KHDC1: variants seen among roughly 807,000 people sequenced by gnomAD.
KHDC1 encodes the protein KH domain containing 1.
Under a neutral mutation model 24.7 loss-of-function variants are expected in KHDC1, and 21 were observed. The ratio of observed to expected loss-of-function variants is 0.85; its 90% confidence interval spans 0.60 to 1.23. The LOEUF (loss-of-function observed/expected upper bound fraction) is 1.23, where lower values mean the gene tolerates loss of function less well. Among genes scored for constraint, KHDC1 ranks in the 50% most tolerant of loss-of-function variants. The pLI is 0.00. For missense variants in KHDC1, 274 were observed against 298.5 expected, an observed-to-expected ratio of 0.92 and a Z score of 0.61; for synonymous variants, 98 against 111.7, an observed-to-expected ratio of 0.88 and a Z score of 0.77.
chr6:73,290,106 C>CAAAAAAAAAAAAAAA (rs140342387), intron 2 of KHDC1, among the ~76,000 whole-genome samples: 2 of 86,498 alleles, frequency 2.3e-5, no homozygotes, highest in African/African-American at 5.1e-5. Context: ...GACTCCGTCT[C>CAAAAAAAAAAAAAAA]AAAAAAAAAA....
chr6:73,282,074 C>T (rs1163485792), intron 2 of KHDC1, among the ~76,000 whole-genome samples: 2 of 151,466 alleles, frequency 1.3e-5, no homozygotes, highest in African/African-American at 4.8e-5. Context: ...AAAAATTAGC[C>T]GGGCGTGGTG....
intron 2 of KHDC1, chr6:73,269,187 T>C (rs35830226): frequency 0.13 from 19,400 of 153,272 alleles, 1,704 homozygotes; most frequent in African/African-American, 0.24. Context: ...ACCAAGCCCA[T>C]GCCCACCCGG....
intron 1 of KHDC1, chr6:73,292,706 C>T (rs555431044): frequency 4.0e-6 from 3 of 748,474 alleles, no homozygotes; most frequent in East Asian, 2.5e-5. Context: ...ACACATTCTT[C>T]ACTATTTGAC....
chr6:73,277,997 TC>T (rs1217027000), intron 2 of KHDC1, among the ~76,000 whole-genome samples: 3 of 149,244 alleles, frequency 2.0e-5, no homozygotes, highest in African/African-American at 7.4e-5. Context: ...TTTCTCTCTC[TC>T]TCTCTCGGGT....
intron 2 of KHDC1, chr6:73,291,488 C>CT (rs1337998152): frequency 4.8e-3 from 790 of 165,002 alleles, no homozygotes; most frequent in Middle Eastern, 0.017. Context: ...AAATTATCCA[C>CT]TTTTTTTTTT....
chr6:73,246,270 T>G (rs9341415), intron 2 of KHDC1, among the ~76,000 whole-genome samples: 22,051 of 152,240 alleles, frequency 0.14, 2,008 homozygotes, highest in South Asian at 0.21. Context: ...GGAGAACTAT[T>G]CAGCCACTTG....
At chr6:73,247,956 C>T (rs1766698717) in intron 2 of KHDC1, among the ~76,000 whole-genome samples, 1 of 151,576 alleles carries the variant, frequency 6.6e-6, no homozygotes, top group South Asian at 2.1e-4. Flanking sequence ...AGTCAAAAAG[C>T]AGGGTGCAGC....
At chr6:73,271,894 CAAAAA>C (rs980406699) in intron 2 of KHDC1, among the ~76,000 whole-genome samples, 1 of 146,474 alleles carries the variant, frequency 6.8e-6, no homozygotes, top group Admixed American at 6.8e-5. Context: ...GACTCCATCT[CAAAAA>C]AAAATAAGAA....
At chr6:73,280,176 G>C (rs1767377303) in intron 2 of KHDC1, among the ~76,000 whole-genome samples, 1 of 151,300 alleles carries the variant, frequency 6.6e-6, no homozygotes, top group African/African-American at 2.4e-5. Flanking sequence ...ATTTATTTTT[G>C]AGGAGACAGT....
rs140003576 is a variant in KHDC1, at chr6:73,298,566, G to A, written c.164-6526C>T. ...TTCTCCTGCCTCAGCCTCCCGAGTAGCTGGGATTACAGGCACCCGCCACCA... is the reference window on the plus strand; with the variant it reads ...TTCTCCTGCCTCAGCCTCCCGAGTAACTGGGATTACAGGCACCCGCCACCA... On this transcript the variant is annotated intron_variant, in intron 1 of 4. Transcript: ENST00000370384. Among the ~76,000 whole-genome samples the A allele has an allele frequency of 8.7e-3, 1,304 of 149,102 alleles. 25 individuals carry two copies. The highest frequency in any genetic ancestry group is 0.031 in the African/African-American group (1,236 of 39,456).
exon 1 of KHDC1, chr6:73,310,016 C>T (rs1582596071): frequency 2.9e-6 from 1 of 339,716 alleles, no homozygotes; most frequent in Non-Finnish European, 5.4e-6. Context: ...CACAACGCCA[C>T]GTAAACCATC....
intron 2 of KHDC1, among the ~76,000 whole-genome samples, chr6:73,246,443 T>C (rs1169649670): frequency 1.3e-5 from 2 of 152,334 alleles, no homozygotes; most frequent in East Asian, 1.9e-4. Flanking sequence ...GTAAAACGCA[T>C]GGACAGTTCC....
intron 2 of KHDC1, among the ~76,000 whole-genome samples, chr6:73,279,754 A>G (rs1373759599): frequency 6.6e-6 from 1 of 151,528 alleles, no homozygotes; most frequent in African/African-American, 2.4e-5. Context: ...TAATGTTTAT[A>G]TTTTTCGTAG....
intron 2 of KHDC1, among the ~76,000 whole-genome samples, chr6:73,250,964 C>A (rs897313844): frequency 6.6e-6 from 1 of 151,986 alleles, no homozygotes; most frequent in South Asian, 2.1e-4. Context: ...CTCAGCCTCC[C>A]GAGTAGCTGG....
At chr6:73,284,212 T>C (rs2150690096) in intron 2 of KHDC1, among the ~76,000 whole-genome samples, 1 of 152,272 alleles carries the variant, frequency 6.6e-6, no homozygotes, top group East Asian at 1.9e-4. Flanking sequence ...GTAGGCATAG[T>C]TTTTGTAATC....
intron 2 of KHDC1, among the ~76,000 whole-genome samples, chr6:73,272,801 G>A (rs1460172344): frequency 6.6e-6 from 1 of 150,750 alleles, no homozygotes; most frequent in African/African-American, 2.4e-5. Flanking sequence ...AAAACAGGGA[G>A]AGATCTTTAT....
At chr6:73,242,691 C>A in intron 2 of KHDC1, 161 bp from the exon 2 acceptor site, 1 of 772,380 alleles carries the variant, frequency 1.3e-6, no homozygotes, top group Non-Finnish European at 2.0e-6. Context: ...CAAGATAATT[C>A]ATTCCAAGTA....
Position 73,307,834 on chromosome 6 carries a change from G to A in KHDC1, c.163+1718C>T, listed in dbSNP as rs529416233. 1.1e-4 allele frequency among the ~76,000 whole-genome samples: 17 copies of A among 152,260 alleles called. No individual in the cohort carries two copies. In the South Asian group the frequency reaches 3.3e-3, roughly 30 times the overall value. On this transcript the variant is annotated intron_variant, in intron 1 of 4. Transcript: ENST00000370384. Reference sequence around the variant, plus strand: ...ACCTGGAGGTCTTCTTAAAACACGGGTCTCTGTGCCTCACCCCCAGAGTTT... The same window carrying A: ...ACCTGGAGGTCTTCTTAAAACACGGATCTCTGTGCCTCACCCCCAGAGTTT...
chr6:73,293,047 G>A, intron 1 of KHDC1: 3 of 1,018,562 alleles, frequency 2.9e-6, no homozygotes, highest in Non-Finnish European at 4.6e-6. Flanking sequence ...AAACTGAAAG[G>A]TGGATTGTAA....
Sources: gnomAD v4.1 joint callset for allele counts (sites outside exome capture counted in the v4.1 genomes callset) on GRCh38, gnomAD v4.1.1 for gene constraint, MANE v1.5 for transcripts, NCBI Gene and HGNC (gene_info 2026-07-23, HGNC 2026-07-21) for gene names.